MAP3K13: variants seen among roughly 807,000 people sequenced by gnomAD.
The protein encoded by MAP3K13 is mitogen-activated protein kinase kinase kinase 13.
Under a neutral mutation model 104.0 loss-of-function variants are expected in MAP3K13, and 52 were observed. That is an observed-to-expected ratio of 0.50 (90% confidence interval 0.40 to 0.63). The LOEUF is 0.63. MAP3K13 is among the 20% of genes least tolerant of loss of function. The pLI is 0.00. For synonymous variants in MAP3K13, 394 were observed against 442.2 expected, an observed-to-expected ratio of 0.89 and a Z score of 1.37; for missense variants, 914 against 1,218.5, an observed-to-expected ratio of 0.75 and a Z score of 3.72.
chr3:185,452,916 A>C lies in MAP3K13; in HGVS notation c.1278+1521A>C, dbSNP rs533298184. 6.6e-5 allele frequency among the ~76,000 whole-genome samples: 10 copies of C among 152,312 alleles called. No individual in the cohort carries two copies. In the South Asian group the frequency reaches 1.0e-3, roughly 16 times the overall value. Reference sequence around the variant, plus strand: ...TAATGTTCCATCGGCCAAGCAAGTCACAGGCCAACCCAGATTCTCGGGATT... The same window carrying C: ...TAATGTTCCATCGGCCAAGCAAGTCCCAGGCCAACCCAGATTCTCGGGATT... On this transcript the variant is annotated intron_variant, in intron 7 of 13. Coordinates refer to ENST00000265026, the MANE Select transcript of MAP3K13 (RefSeq NM_004721.5).
chr3:185,356,165 G>A (rs755317836), intron 2 of MAP3K13, among the ~76,000 whole-genome samples: 8 of 145,090 alleles, frequency 5.5e-5, no homozygotes, highest in Non-Finnish European at 1.3e-4. Flanking sequence ...ATAATAAAGT[G>A]TAAACACCAT....
chr3:185,487,367 G>A lies in MAP3K13; in HGVS notation c.*4911G>A, dbSNP rs1299500373. ...TTTTTGTAGAGATGGGCGTCTCCCT[G>A]TGTTGCCCAGGCTGGTATCGAACTC... On this transcript the variant is annotated 3_prime_UTR_variant, in exon 14 of 14. Coordinates refer to ENST00000265026, the MANE Select transcript of MAP3K13 (RefSeq NM_004721.5). 6.8e-6 allele frequency: 1 copy of A among 148,024 alleles called. No homozygotes were observed. Among genetic ancestry groups the A allele is most frequent in the South Asian group, 2.1e-4 (1 of 4,678 alleles). 9.2% of individuals were successfully genotyped at this position (148,024 alleles called of 1,614,324 possible). A position where few individuals can be genotyped will look rare whatever the true frequency, so the allele number is the denominator to read the frequency against.
intron 2 of MAP3K13, among the ~76,000 whole-genome samples, chr3:185,303,063 A>G (rs1245881820): frequency 6.6e-6 from 1 of 152,190 alleles, no homozygotes; most frequent in Non-Finnish European, 1.5e-5. Flanking sequence ...GAAGTTTATC[A>G]TGCTTTTTCT....
At chr3:185,376,787 G>A (rs113391502) in intron 1 of MAP3K13, among the ~76,000 whole-genome samples, 3 of 152,194 alleles carry the variant, frequency 2.0e-5, no homozygotes, top group Non-Finnish European at 2.9e-5. Flanking sequence ...GAGATTAACC[G>A]GACGTGATCA....
chr3:185,305,576 AC>A (rs1721264194), intron 2 of MAP3K13, among the ~76,000 whole-genome samples: 2 of 152,048 alleles, frequency 1.3e-5, no homozygotes, highest in South Asian at 4.1e-4. Flanking sequence ...CTGTGTATTT[AC>A]CTTTACAGAG....
In MAP3K13 at chr3:185,384,978, T is replaced by G. The variant is rs537172321; in HGVS notation, c.-86+21610T>G. On this transcript the variant is annotated intron_variant, in intron 1 of 13. Coordinates refer to ENST00000265026, the MANE Select transcript of MAP3K13 (RefSeq NM_004721.5). ...TAGTCCTGTTTTTCTATTTTTTGTTTACTGTGCTTTTGAAGTCTTAGCTGT... is the reference window on the plus strand; with the variant it reads ...TAGTCCTGTTTTTCTATTTTTTGTTGACTGTGCTTTTGAAGTCTTAGCTGT... 1.3e-3 allele frequency among the ~76,000 whole-genome samples: 205 copies of G among 152,314 alleles called. 1 individual carries two copies. The highest frequency in any genetic ancestry group is 2.5e-3 in the Non-Finnish European group (171 of 68,022).
chr3:185,300,755 G>T (rs1347428409), intron 2 of MAP3K13, among the ~76,000 whole-genome samples: 4 of 152,126 alleles, frequency 2.6e-5, no homozygotes, highest in African/African-American at 4.8e-5. Context: ...GCCTCCCAAA[G>T]TGCTGGGATT....
rs918820867 is a variant in MAP3K13, at chr3:185,473,919, G to A, written c.2430+158G>A. On this transcript the variant is annotated intron_variant, in intron 11 of 13. Transcript: ENST00000265026. The surrounding 1 kb of genome is among the most constrained non-coding windows in gnomAD (Gnocchi z 4.9). ...TAGAAATTTATTTTACTTTAAATTC[G>A]TTCTTTCCACACTGTTTAAGTGATA... Among the ~76,000 whole-genome samples, 5 of 152,172 alleles carry A rather than the reference G, an allele frequency of 3.3e-5. No homozygotes were observed. Among genetic ancestry groups the A allele is most frequent in the African/African-American group, 9.7e-5 (4 of 41,428 alleles).
At position 185,450,860 on chromosome 3, in the gene MAP3K13, C is replaced by G. The variant is rs997007815; in HGVS notation, c.1170-427C>G. ...ATCCCAGCACTTTAGGAGGCCGAGGCGGGCGTATCACGAGGTCAGGAGATC... is the reference window on the plus strand; with the variant it reads ...ATCCCAGCACTTTAGGAGGCCGAGGGGGGCGTATCACGAGGTCAGGAGATC... On this transcript the variant is annotated intron_variant, in intron 6 of 13. Transcript: ENST00000265026. The surrounding 1 kb of genome is among the most constrained non-coding windows in gnomAD (Gnocchi z 4.2). Among the ~76,000 whole-genome samples, 1 of 152,108 alleles carries G rather than the reference C, an allele frequency of 6.6e-6. No homozygotes were observed. Among genetic ancestry groups the G allele is most frequent in the Non-Finnish European group, 1.5e-5 (1 of 68,010 alleles).
rs1280924552 is a variant in MAP3K13 at position 185,480,386 on chromosome 3, G to C, written c.2656G>C (p.Asp886His). The change falls in exon 13 of 14, where the codon GAC becomes CAC. Residue 886 changes from aspartate to histidine, a missense_variant. Asp to His is a moderately conservative substitution (Grantham distance 81, BLOSUM62 -1). Transcript: ENST00000265026. Reference sequence around the variant, plus strand: ...TGAAGACCGCTTGGCAGAGAAGCTAGACGACCTGCTGTCCCAGACGCCAGA... The same window carrying C: ...TGAAGACCGCTTGGCAGAGAAGCTACACGACCTGCTGTCCCAGACGCCAGA... ...KLEDRLAEKL[D>H]DLLSQTPEIP... is the part of the protein sequence containing the mutation. 5 of 1,614,102 alleles carry C rather than the reference G, an allele frequency of 3.1e-6. No homozygotes were observed. Among genetic ancestry groups the C allele is most frequent in the Non-Finnish European group, 4.2e-6 (5 of 1,180,052 alleles).
At chr3:185,332,158 A>G (rs1034655996) in intron 2 of MAP3K13, among the ~76,000 whole-genome samples, 4 of 152,182 alleles carry the variant, frequency 2.6e-5, no homozygotes, top group African/African-American at 9.7e-5. Context: ...CCAAAGTAGA[A>G]TTACTGGATC....
intron 2 of MAP3K13, among the ~76,000 whole-genome samples, chr3:185,300,189 C>CTTTTTTTTTTTT (rs1273008667): frequency 8.1e-6 from 1 of 123,426 alleles, no homozygotes; most frequent in Non-Finnish European, 1.8e-5. Context: ...TCCTTCTTTT[C>CTTTTTTTTTTTT]TTTTTTTTTT....
chr3:185,454,720 TA>T lies in MAP3K13; in HGVS notation c.1278+3326del, dbSNP rs1716250638. ...AGATATATATATCATATATGAGATA[TA>T]TATGATATATATGATATATATATCA... is the stretch of plus-strand genomic sequence containing the variant. On this transcript the variant is annotated intron_variant, in intron 7 of 13. Transcript: ENST00000265026. 1.8e-4 allele frequency among the ~76,000 whole-genome samples: 4 copies of T among 22,808 alleles called. 1 individual carries two copies. In the South Asian group the frequency reaches 0.011, roughly 66 times the overall value. 15.0% of individuals were successfully genotyped at this position (22,808 alleles called of 152,430 possible).
intron 3 of MAP3K13, 95 bp from the exon 4 acceptor site, chr3:185,443,350 C>A (rs550046997): frequency 2.6e-6 from 2 of 777,044 alleles, no homozygotes; most frequent in African/African-American, 1.7e-5. Flanking sequence ...TAAAATAATT[C>A]GGGTATAGAA....
At chr3:185,397,661 G>GC (rs1190576090) in intron 1 of MAP3K13, among the ~76,000 whole-genome samples, 1 of 151,840 alleles carries the variant, frequency 6.6e-6, no homozygotes, top group African/African-American at 2.4e-5. Context: ...AAATAGGACT[G>GC]TTTTTTTCTT....
chr3:185,485,105 T>A lies in MAP3K13; in HGVS notation c.*2649T>A, dbSNP rs1718656742. 6.6e-6 allele frequency: 1 copy of A among 152,178 alleles called. No individual in the cohort carries two copies. Among genetic ancestry groups the A allele is most frequent in the Non-Finnish European group, 1.5e-5 (1 of 68,044 alleles). 9.4% of individuals were successfully genotyped at this position (152,178 alleles called of 1,614,324 possible). On this transcript the variant is annotated 3_prime_UTR_variant, in exon 14 of 14. Transcript: ENST00000265026. ...TGTCAAATAGTGGATGGACATATAG[T>A]TAAAAAGCTGTAAACTTTCTAAAGT... is the stretch of plus-strand genomic sequence containing the variant.
chr3:185,423,850 C>T lies in MAP3K13; in HGVS notation c.-85-4647C>T, dbSNP rs149313891. Among the ~76,000 whole-genome samples, 118 of 152,290 alleles carry T rather than the reference C, an allele frequency of 7.7e-4. No individual in the cohort carries two copies. Among genetic ancestry groups the T allele is most frequent in the African/African-American group, 2.7e-3 (113 of 41,554 alleles). On this transcript the variant is annotated intron_variant, in intron 1 of 13. Coordinates refer to ENST00000265026, the MANE Select transcript of MAP3K13 (RefSeq NM_004721.5). This position sits in a 1 kb window ranked among gnomAD's most constrained non-coding sequence, Gnocchi z 4.1. ...TGTTTCTGGGTCAGCAGCCCCATCA[C>T]GCACGCTCTGGTCATTCCCGCTTCC...
chr3:185,412,256 T>C lies in MAP3K13; in HGVS notation c.-85-16241T>C, dbSNP rs561304999. Among the ~76,000 whole-genome samples, 14 of 152,336 alleles carry C rather than the reference T, an allele frequency of 9.2e-5. No individual in the cohort carries two copies. The East Asian group carries it at 2.5e-3, about 27-fold the overall frequency. ...ACTACATATTGTTTTCTGTCACAAA[T>C]AGTTTATTATTTTACATTTATTTTT... On this transcript the variant is annotated intron_variant, in intron 1 of 13. Transcript: ENST00000265026.
Position 185,455,288 on chromosome 3 carries a change from T to TATATATATGAG in MAP3K13, c.1278+3926_1278+3936dup, listed in dbSNP as rs1274101068. The stretch of plus-strand genomic sequence containing the variant: ...TGAGATATATATGAGATATATGAGA[T>TATATATATGAG]ATATATATGAGATATATATGAGATA... On this transcript the variant is annotated intron_variant, in intron 7 of 13. Transcript: ENST00000265026. Among the ~76,000 whole-genome samples the TATATATATGAG allele has an allele frequency of 9.6e-3, 70 of 7,264 alleles. 4 individuals carry two copies. Among genetic ancestry groups the TATATATATGAG allele is most frequent in the African/African-American group, 0.014 (64 of 4,698 alleles). 4.8% of individuals were successfully genotyped at this position (7,264 alleles called of 152,430 possible).
Sources: gnomAD v4.1 joint callset for allele counts (sites outside exome capture counted in the v4.1 genomes callset) on GRCh38, gnomAD v4.1.1 for gene constraint, Gnocchi (gnomAD v3.1) non-coding constraint, MANE v1.5 for transcripts, NCBI Gene and HGNC (gene_info 2026-07-23, HGNC 2026-07-21) for gene names.